PDLIM1: variants seen among roughly 807,000 people sequenced by gnomAD.
The protein encoded by PDLIM1 is PDZ and LIM domain 1.
A neutral mutation model predicts 35.2 loss-of-function variants in PDLIM1; 25 were observed. That is an observed-to-expected ratio of 0.71 (90% confidence interval 0.52 to 0.99). PDLIM1 has a LOEUF of 0.99. Among genes scored for constraint, PDLIM1 ranks in the 50% least tolerant of loss-of-function variants. The pLI is 0.00. For synonymous variants in PDLIM1, 152 were observed against 154.0 expected, an observed-to-expected ratio of 0.99 and a Z score of 0.10; for missense variants, 363 against 415.3, an observed-to-expected ratio of 0.87 and a Z score of 1.09.
rs112472703 is a variant in PDLIM1 at position 95,290,215 on chromosome 10, G to T, written c.96+605C>A. Among the ~76,000 whole-genome samples, 2 of 152,132 alleles carry T rather than the reference G, an allele frequency of 1.3e-5. No individual in the cohort carries two copies. Among genetic ancestry groups the T allele is most frequent in the Non-Finnish European group, 2.9e-5 (2 of 68,018 alleles). On this transcript the variant is annotated intron_variant, in intron 1 of 6. Coordinates refer to ENST00000329399, the MANE Select transcript of PDLIM1 (RefSeq NM_020992.4). The surrounding 1 kb of genome is among the most constrained non-coding windows in gnomAD (Gnocchi z 4.7). ...TGACGGCGGGGCCACGTTCTGCAGA[G>T]GGGAGAATGACCAAGAGGGTTTACT... is the stretch of plus-strand genomic sequence containing the variant.
chr10:95,259,063 T>C (rs1056673012), intron 4 of PDLIM1, among the ~76,000 whole-genome samples: 1 of 151,902 alleles, frequency 6.6e-6, no homozygotes, highest in African/African-American at 2.4e-5. Context: ...GGGAAGCGAG[T>C]GTGGCTATAA....
At position 95,248,893 on chromosome 10, in the gene PDLIM1, C is replaced by A. The variant is rs557751086; in HGVS notation, c.534-1527G>T. On this transcript the variant is annotated intron_variant, in intron 4 of 6. Coordinates refer to ENST00000329399, the MANE Select transcript of PDLIM1 (RefSeq NM_020992.4). ...CATGGCTCCCATGCTTCATCCAGGT[C>A]TCTGCTCAAGTGCACTCCTCAGAGA... is the stretch of plus-strand genomic sequence containing the variant. Among the ~76,000 whole-genome samples the A allele has an allele frequency of 4.6e-4, 70 of 152,360 alleles. 1 individual carries two copies. Among genetic ancestry groups the A allele is most frequent in the African/African-American group, 1.6e-3 (68 of 41,580 alleles).
intron 2 of PDLIM1, among the ~76,000 whole-genome samples, chr10:95,270,800 G>C (rs2035458904): frequency 6.6e-6 from 1 of 152,018 alleles, no homozygotes. Context: ...GCCCAGGCTG[G>C]AGTGCAGTGA....
intron 4 of PDLIM1, among the ~76,000 whole-genome samples, chr10:95,257,947 T>C (rs114299307): frequency 3.7e-4 from 56 of 152,296 alleles, no homozygotes; most frequent in African/African-American, 1.3e-3. Flanking sequence ...GATAAAGATA[T>C]AGCCAAGACT....
At chr10:95,285,636 A>T (rs117770726) in intron 1 of PDLIM1, among the ~76,000 whole-genome samples, 26 of 152,328 alleles carry the variant, frequency 1.7e-4, no homozygotes, top group Non-Finnish European at 3.1e-4. Context: ...GTTAGCTGTT[A>T]TTAATATATT....
In PDLIM1 at chr10:95,290,125, A is replaced by G. The variant is rs2035639790; in HGVS notation, c.96+695T>C. Among the ~76,000 whole-genome samples, 1 of 152,014 alleles carries G rather than the reference A, an allele frequency of 6.6e-6. No individual in the cohort carries two copies. The highest frequency in any genetic ancestry group is 2.4e-5 in the African/African-American group (1 of 41,376). On this transcript the variant is annotated intron_variant, in intron 1 of 6. Transcript: ENST00000329399. This position sits in a 1 kb window ranked among gnomAD's most constrained non-coding sequence, Gnocchi z 4.7. ...GGACACCCCATCGCAGTATCTACTC[A>G]TGCCCTGAGAAAAAAGGGCTGGTGC...
chr10:95,245,070 T>C (rs1284677459), intron 5 of PDLIM1, among the ~76,000 whole-genome samples: 1 of 152,148 alleles, frequency 6.6e-6, no homozygotes, highest in Non-Finnish European at 1.5e-5. Flanking sequence ...ATCTCCCTCT[T>C]CCCTTCCAGC....
intron 3 of PDLIM1, among the ~76,000 whole-genome samples, chr10:95,268,212 A>C (rs1326250510): frequency 6.6e-6 from 1 of 152,134 alleles, no homozygotes; most frequent in Non-Finnish European, 1.5e-5. Flanking sequence ...CAAATTGTAC[A>C]CTATGTACTG....
rs538986984 is a variant in PDLIM1, at chr10:95,283,565, C to T, written c.96+7255G>A. Among the ~76,000 whole-genome samples, 9 of 152,282 alleles carry T rather than the reference C, an allele frequency of 5.9e-5. No homozygotes were observed. The East Asian group carries it at 7.7e-4, about 13-fold the overall frequency. On this transcript the variant is annotated intron_variant, in intron 1 of 6. Transcript: ENST00000329399. ...TTTGGTTTTAGAAATGCTACGTGTG[C>T]GGAAAAAGTCTGGAAAGGTTTGCAG...
chr10:95,276,301 CAA>C (rs568446219), intron 1 of PDLIM1, among the ~76,000 whole-genome samples: 1 of 143,894 alleles, frequency 6.9e-6, no homozygotes. Flanking sequence ...CTGTCAAAGC[CAA>C]AAAAAAAAAA....
At chr10:95,256,901 G>A (rs972484204) in intron 4 of PDLIM1, among the ~76,000 whole-genome samples, 3 of 151,266 alleles carry the variant, frequency 2.0e-5, no homozygotes, top group African/African-American at 4.9e-5. Flanking sequence ...CTTGAACCCA[G>A]GAGGTAGAAG....
rs571875210 is a variant in PDLIM1, at chr10:95,253,611, G to A, written c.534-6245C>T. 3.4e-5 allele frequency among the ~76,000 whole-genome samples: 5 copies of A among 149,200 alleles called. No individual in the cohort carries two copies. The South Asian group carries it at 1.1e-3, about 31-fold the overall frequency. ...GTGGAGGTGGCAGTAAGCGGAGATC[G>A]CACCACAGTAGTCCAACCTGGGTGA... On this transcript the variant is annotated intron_variant, in intron 4 of 6. Transcript: ENST00000329399.
chr10:95,266,491 G>A (rs2035418348), intron 3 of PDLIM1, among the ~76,000 whole-genome samples: 1 of 152,026 alleles, frequency 6.6e-6, no homozygotes, highest in Non-Finnish European at 1.5e-5. Context: ...TTCCGCCTTG[G>A]CTCAATTTTT....
chr10:95,239,822 A>T (rs1311234628), intron 5 of PDLIM1, among the ~76,000 whole-genome samples: 2 of 152,174 alleles, frequency 1.3e-5, no homozygotes, highest in East Asian at 3.8e-4. Flanking sequence ...AACCCCATTA[A>T]AAAGTGGGCA....
intron 4 of PDLIM1, among the ~76,000 whole-genome samples, chr10:95,255,651 T>C (rs745805472): frequency 2.0e-5 from 3 of 152,096 alleles, no homozygotes; most frequent in Admixed American, 2.0e-4. Flanking sequence ...AAAGTCCATG[T>C]ATGAAAAACC....
chr10:95,271,039 C>T (rs1022766091), intron 2 of PDLIM1, among the ~76,000 whole-genome samples: 1 of 151,984 alleles, frequency 6.6e-6, no homozygotes, highest in Admixed American at 6.6e-5. Flanking sequence ...AGAGAGCCAC[C>T]GCACCTGGCC....
intron 2 of PDLIM1, among the ~76,000 whole-genome samples, chr10:95,270,595 C>G (rs894936027): frequency 2.0e-5 from 3 of 152,036 alleles, no homozygotes. Flanking sequence ...AAGGTGCTAC[C>G]CTCATTCATT....
At chr10:95,280,340 A>C (rs917104502) in intron 1 of PDLIM1, among the ~76,000 whole-genome samples, 1 of 152,198 alleles carries the variant, frequency 6.6e-6, no homozygotes, top group Non-Finnish European at 1.5e-5. Context: ...ACCCCACTGC[A>C]CTCCAGCCTG....
chr10:95,242,917 T>C (rs1023895717), intron 5 of PDLIM1, among the ~76,000 whole-genome samples: 3 of 152,100 alleles, frequency 2.0e-5, no homozygotes, highest in Non-Finnish European at 2.9e-5. Context: ...AAGGCACTGA[T>C]TGGGCTGAGA....
Sources: gnomAD v4.1 joint callset for allele counts (sites outside exome capture counted in the v4.1 genomes callset) on GRCh38, gnomAD v4.1.1 for gene constraint, Gnocchi (gnomAD v3.1) non-coding constraint, MANE v1.5 for transcripts, NCBI Gene and HGNC (gene_info 2026-07-23, HGNC 2026-07-21) for gene names.